The following ZNF100 variants were observed in gnomAD, a reference collection of about 807,000 sequenced individuals.
ZNF100 encodes the protein zinc finger protein 100, also known as zinc finger protein 100 (Y1).
Under a neutral mutation model 15.8 loss-of-function variants are expected in ZNF100, and 12 were observed. The observed-to-expected ratio is 0.76, with a 90% CI of 0.49 to 1.23. ZNF100 has a LOEUF of 1.23. ZNF100 is among the 50% of genes most tolerant of loss of function. The probability of loss-of-function intolerance (pLI) is 0.00; values close to 1 mark genes in which losing one functional copy is unlikely to be tolerated. For synonymous variants in ZNF100, 226 were observed against 214.8 expected (o/e 1.05, Z -0.45); for missense variants, 670 against 635.6 (o/e 1.05, Z -0.58).
intron 4 of ZNF100, among the ~76,000 whole-genome samples, chr19:21,730,087 A>G (rs2035885622): frequency 6.6e-6 from 1 of 152,012 alleles, no homozygotes; most frequent in Non-Finnish European, 1.5e-5. Flanking sequence ...AATTAATAAA[A>G]TAACATTAGT....
chr19:21,763,601 A>G (rs893781698), intron 2 of ZNF100, among the ~76,000 whole-genome samples: 8 of 152,150 alleles, frequency 5.3e-5, no homozygotes, highest in African/African-American at 1.7e-4. Context: ...GGGGAAAAAA[A>G]TCAGCTAAAT....
At chr19:21,757,890 A>G (rs1474654841) in intron 2 of ZNF100, among the ~76,000 whole-genome samples, 1 of 152,110 alleles carries the variant, frequency 6.6e-6, no homozygotes, top group Non-Finnish European at 1.5e-5. Flanking sequence ...AAAAATAATT[A>G]GGCAGACATG....
rs545182158 is a variant in ZNF100, at chr19:21,739,087, G to T, written c.322+4930C>A. On this transcript the variant is annotated intron_variant, in intron 4 of 4. Transcript: ENST00000358296. ...CATGACCTAAACACCTCCCTACCAG[G>T]TTCCACATCCAACATTGGGGATTAC... 4.1e-4 allele frequency among the ~76,000 whole-genome samples: 63 copies of T among 152,264 alleles called. 1 individual carries two copies. The East Asian group carries it at 0.012, about 28-fold the overall frequency.
chr19:21,732,475 T>C (rs2035936641), intron 4 of ZNF100, among the ~76,000 whole-genome samples: 1 of 152,110 alleles, frequency 6.6e-6, no homozygotes, highest in Non-Finnish European at 1.5e-5. Flanking sequence ...AGTAGACATA[T>C]GGCTGATTTA....
intron 1 of ZNF100, 130 bp downstream of exon 1, chr19:21,767,297 A>C (rs1490433389): frequency 6.6e-7 from 1 of 1,509,916 alleles, no homozygotes; most frequent in Non-Finnish European, 9.1e-7. Context: ...AAGGGGACGG[A>C]GGCCGAGCTG....
chr19:21,740,770 G>A (rs373579282), intron 4 of ZNF100, among the ~76,000 whole-genome samples: 4 of 151,744 alleles, frequency 2.6e-5, no homozygotes, highest in African/African-American at 9.7e-5. Context: ...TTTTAAAGAC[G>A]CCAACTCTGT....
chr19:21,747,758 T>C (rs1329496736), intron 2 of ZNF100, among the ~76,000 whole-genome samples: 1 of 152,224 alleles, frequency 6.6e-6, no homozygotes, highest in Non-Finnish European at 1.5e-5. Context: ...AGTCTGCATT[T>C]GGAAAACAAC....
Position 21,727,377 on chromosome 19 carries a change from G to C in ZNF100, c.935C>G (p.Thr312Ser). 6.2e-7 allele frequency: 1 copy of C among 1,612,948 alleles called. No homozygotes were observed. The highest frequency in any genetic ancestry group is 1.1e-5 in the South Asian group (1 of 91,074). ...SHLTTHKRIH[T>S]GVKPYKCTEC... ...TGTACATTTGTAGGGTTTCACTCCA[G>C]TATGAATTCTTTTATGTGTAGTAAG... The change falls in exon 5 of 5, where the codon ACT (threonine) becomes AGT (serine). Residue 312 changes from threonine to serine, a missense_variant. Physicochemically the swap from Thr to Ser is moderately conservative, Grantham distance 58. Coordinates refer to ENST00000358296, the MANE Select transcript of ZNF100 (RefSeq NM_173531.4).
chr19:21,731,847 G>C (rs572202314), intron 4 of ZNF100, among the ~76,000 whole-genome samples: 1 of 152,302 alleles, frequency 6.6e-6, no homozygotes, highest in Admixed American at 6.5e-5. Flanking sequence ...CAGAACATCA[G>C]ACAAATTGGT....
chr19:21,729,460 C>T (rs900494567), intron 4 of ZNF100, among the ~76,000 whole-genome samples: 24 of 151,594 alleles, frequency 1.6e-4, no homozygotes, highest in African/African-American at 5.3e-4. Flanking sequence ...AGGAGAAATA[C>T]CTAATGTAAA....
At chr19:21,759,920 C>T (rs184081737) in intron 2 of ZNF100, among the ~76,000 whole-genome samples, 2 of 152,318 alleles carry the variant, frequency 1.3e-5, no homozygotes, top group African/African-American at 4.8e-5. Flanking sequence ...CAGTGGCTCA[C>T]GCCTGTAATC....
Position 21,738,279 on chromosome 19 carries a change from A to G in ZNF100, c.322+5738T>C, listed in dbSNP as rs994408679. Among the ~76,000 whole-genome samples, 4 of 107,632 alleles carry G rather than the reference A, an allele frequency of 3.7e-5. No homozygotes were observed. The East Asian group carries it at 1.1e-3, about 29-fold the overall frequency. The allele number at this position is 107,632 out of a possible 152,430, so 70.6% of individuals were successfully genotyped here. The stretch of plus-strand genomic sequence containing the variant: ...AAAAAAAAAAAAAAAAAAAAAAAAA[A>G]AAAAAAAAAAACTGATGGAGAATGA... On this transcript the variant is annotated intron_variant, in intron 4 of 4. Coordinates refer to ENST00000358296, the MANE Select transcript of ZNF100 (RefSeq NM_173531.4).
chr19:21,761,065 G>T (rs1285289076), intron 2 of ZNF100, among the ~76,000 whole-genome samples: 1 of 151,992 alleles, frequency 6.6e-6, no homozygotes, highest in Admixed American at 6.6e-5. Context: ...GCCTGAGGAA[G>T]AACTTTCAAT....
Position 21,727,652 on chromosome 19 carries a change from T to C in ZNF100, c.660A>G (p.Leu220=). 2.5e-6 allele frequency: 4 copies of C among 1,612,370 alleles called. No homozygotes were observed. The highest frequency in any genetic ancestry group is 3.4e-6 in the Non-Finnish European group (4 of 1,179,438). ...TAATATGAAATCTTTTATGTTGAGT[T>C]AGGTGTAAAAGCATGCAAAATGATT... The part of the protein sequence containing the change: ...CEKSFCMLLH[L]TQHKRFHITE... Residue 220 remains leucine (L), a synonymous_variant, in exon 5 of 5, where the codon CTA becomes CTG. Coordinates refer to ENST00000358296, the MANE Select transcript of ZNF100 (RefSeq NM_173531.4).
intron 2 of ZNF100, among the ~76,000 whole-genome samples, chr19:21,763,510 A>C (rs1364132697): frequency 6.6e-6 from 1 of 152,132 alleles, no homozygotes; most frequent in African/African-American, 2.4e-5. Flanking sequence ...GAATCGCTTG[A>C]ACCTGGGAGG....
chr19:21,755,936 T>C (rs776197144), intron 2 of ZNF100, among the ~76,000 whole-genome samples: 4 of 151,808 alleles, frequency 2.6e-5, no homozygotes, highest in South Asian at 2.1e-4. Context: ...TGTTGAGGGG[T>C]GAATGGTGAG....
In ZNF100 at chr19:21,727,608, C is replaced by T; in HGVS notation, c.704G>A (p.Cys235Tyr). 6.2e-7 allele frequency: 1 copy of T among 1,612,716 alleles called. No homozygotes were observed. The highest frequency in any genetic ancestry group is 8.5e-7 in the Non-Finnish European group (1 of 1,179,420). The change falls in exon 5 of 5, where the codon TGT (cysteine) becomes TAT (tyrosine). Residue 235 changes from cysteine (C) to tyrosine (Y), a missense_variant. Cys to Tyr is a radical substitution (Grantham distance 194). Coordinates refer to ENST00000358296, the MANE Select transcript of ZNF100 (RefSeq NM_173531.4). ...GTTGAAGGCTTTGCCACAATCTTTA[C>T]ATTGGTAGGAATTCTCTGTAATATG... ...RFHITENSYQ[C>Y]KDCGKAFNWF...
rs1421208838 is a variant in ZNF100 at position 21,725,387 on chromosome 19, GAAATT to G, written c.*1291_*1295del. 48 of 152,030 alleles carry G rather than the reference GAAATT, an allele frequency of 3.2e-4. No individual in the cohort carries two copies. Among genetic ancestry groups the G allele is most frequent in the Non-Finnish European group, 1.5e-4 (10 of 67,982 alleles). The allele number at this position is 152,030 out of a possible 1,614,324, so 9.4% of individuals were successfully genotyped here. A position where few individuals can be genotyped will look rare whatever the true frequency, so the allele number is the denominator to read the frequency against. ...TACTAATTTTAATTTACTTATAAAT[GAAATT>G]AAGTTTTCTCATAATGCAGAATATT... On this transcript the variant is annotated 3_prime_UTR_variant, in exon 5 of 5. Transcript: ENST00000358296.
chr19:21,753,940 C>T (rs2036351326), intron 2 of ZNF100, among the ~76,000 whole-genome samples: 1 of 152,178 alleles, frequency 6.6e-6, no homozygotes, highest in African/African-American at 2.4e-5. Flanking sequence ...CCCTTAGGAA[C>T]ACTTACTTCA....
Sources: gnomAD v4.1 joint callset for allele counts (sites outside exome capture counted in the v4.1 genomes callset) on GRCh38, gnomAD v4.1.1 for gene constraint, MANE v1.5 for transcripts, NCBI Gene and HGNC (gene_info 2026-07-23, HGNC 2026-07-21) for gene names.